The following VRK2 variants were observed in gnomAD, a reference collection of about 807,000 sequenced individuals.
The protein encoded by VRK2 is VRK serine/threonine kinase 2.
In VRK2, 60 loss-of-function variants were observed where a neutral mutation model predicts 57.6. That is an observed-to-expected ratio of 1.04 (90% CI 0.85 to 1.29). The LOEUF is 1.29. Ranked by LOEUF, VRK2 falls within the 50% of genes most tolerant of loss-of-function variation. The pLI is 0.00. For synonymous variants in VRK2, 231 were observed against 199.2 expected, an observed-to-expected ratio of 1.16 and a Z score of -1.35; for missense variants, 705 against 588.1, an observed-to-expected ratio of 1.20 and a Z score of -2.06.
intron 1 of VRK2, among the ~76,000 whole-genome samples, chr2:57,958,412 T>A (rs548259847): frequency 6.7e-6 from 1 of 149,130 alleles, no homozygotes; most frequent in African/African-American, 2.5e-5. Flanking sequence ...TGTGTGTATG[T>A]GTGTGTGTGT....
chr2:57,947,167 A>G (rs1005341445), intron 1 of VRK2, among the ~76,000 whole-genome samples: 8 of 152,268 alleles, frequency 5.3e-5, no homozygotes, highest in African/African-American at 1.9e-4. Context: ...AGTAAACAAA[A>G]ACAGATGGTG....
chr2:58,139,534 A>ATTG, intron 10 of VRK2, 132 bp from the exon 11 acceptor site: 1 of 737,636 alleles, frequency 1.4e-6, no homozygotes, highest in South Asian at 2.2e-5. Flanking sequence ...TTTTCATTGA[A>ATTG]TTGTTCATTT....
At chr2:58,142,085 G>A (rs2104621740) in intron 11 of VRK2, among the ~76,000 whole-genome samples, 1 of 151,902 alleles carries the variant, frequency 6.6e-6, no homozygotes. Context: ...TTTAAAAGAA[G>A]ACATTGGACC....
chr2:57,914,024 T>C, intron 1 of VRK2, among the ~76,000 whole-genome samples: 1 of 152,024 alleles, frequency 6.6e-6, no homozygotes, highest in East Asian at 1.9e-4. Context: ...CTTAATACAT[T>C]AAAGAGAAAA....
chr2:58,095,049 A>G (rs1672933818), intron 7 of VRK2, among the ~76,000 whole-genome samples: 1 of 152,154 alleles, frequency 6.6e-6, no homozygotes, highest in South Asian at 2.1e-4. Flanking sequence ...TAATCTCAGC[A>G]CTTTGGGAGG....
intron 12 of VRK2, among the ~76,000 whole-genome samples, chr2:58,153,364 T>C (rs752346087): frequency 6.6e-6 from 1 of 152,064 alleles, no homozygotes; most frequent in African/African-American, 2.4e-5. Flanking sequence ...ATAGATGTTC[T>C]GTATAAAGTT....
chr2:58,110,953 G>A lies in VRK2; in HGVS notation c.544-12148G>A, dbSNP rs775600255. ...GGAAGAGTGTGGCCTTGGTGCACAC[G>A]CTGTGGTAGGACCCAGTGGTCCTGC... On this transcript the variant is annotated intron_variant, in intron 7 of 12. Transcript: ENST00000340157. 6.9e-4 allele frequency among the ~76,000 whole-genome samples: 105 copies of A among 152,154 alleles called. 1 individual carries two copies. Among genetic ancestry groups the A allele is most frequent in the East Asian group, 9.7e-4 (5 of 5,166 alleles).
chr2:58,046,166 G>T (rs369782097), upstream of VRK2, among the ~76,000 whole-genome samples: 19 of 152,274 alleles, frequency 1.2e-4, no homozygotes, highest in East Asian at 3.7e-3. Flanking sequence ...TTATGTATTA[G>T]AAAACTGCTT....
At chr2:58,070,652 A>G (rs1669246156) in intron 2 of VRK2, among the ~76,000 whole-genome samples, 1 of 152,176 alleles carries the variant, frequency 6.6e-6, no homozygotes, top group South Asian at 2.1e-4. Context: ...GTGGCTTGAT[A>G]GCACATTTCT....
At chr2:57,937,254 G>T (rs1670943878) in intron 1 of VRK2, among the ~76,000 whole-genome samples, 1 of 151,966 alleles carries the variant, frequency 6.6e-6, no homozygotes, top group African/African-American at 2.4e-5. Context: ...CCCATTTTTT[G>T]AGTTCAGGGT....
At chr2:58,011,289 C>G (rs1268425506) in intron 1 of VRK2, among the ~76,000 whole-genome samples, 3 of 152,164 alleles carry the variant, frequency 2.0e-5, no homozygotes, top group Non-Finnish European at 2.9e-5. Context: ...TGGTCACAGG[C>G]CCTGCTCTAC....
rs181477534 is a variant in VRK2, at chr2:58,111,633, A to G, written c.544-11468A>G. Among the ~76,000 whole-genome samples, 34 of 152,288 alleles carry G rather than the reference A, an allele frequency of 2.2e-4. No homozygotes were observed. The East Asian group carries it at 4.2e-3, about 19-fold the overall frequency. On this transcript the variant is annotated intron_variant, in intron 7 of 12. Transcript: ENST00000340157. ...ATGCATAGGGAGTAACTATTTATATATTCCTGTGGCTAGTCTTACTACAAC... is the reference window on the plus strand; with the variant it reads ...ATGCATAGGGAGTAACTATTTATATGTTCCTGTGGCTAGTCTTACTACAAC...
At chr2:57,939,499 A>ATTGT (rs1356314520) in intron 1 of VRK2, among the ~76,000 whole-genome samples, 2 of 152,176 alleles carry the variant, frequency 1.3e-5, no homozygotes, top group African/African-American at 4.8e-5. Flanking sequence ...GTATATACAG[A>ATTGT]TTGTTCATTT....
At chr2:58,079,884 T>C (rs999631793) in intron 2 of VRK2, among the ~76,000 whole-genome samples, 2 of 151,956 alleles carry the variant, frequency 1.3e-5, no homozygotes, top group African/African-American at 2.4e-5. Flanking sequence ...CAGTTTCTTA[T>C]TAATTTCTAT....
intron 7 of VRK2, among the ~76,000 whole-genome samples, chr2:58,104,207 G>C (rs763139998): frequency 1.3e-5 from 2 of 151,778 alleles, no homozygotes; most frequent in African/African-American, 2.4e-5. Context: ...GGATAGCCTA[G>C]CTAGAGCATT....
At chr2:57,961,692 A>G (rs1671767424) in intron 1 of VRK2, among the ~76,000 whole-genome samples, 2 of 142,436 alleles carry the variant, frequency 1.4e-5, no homozygotes. Flanking sequence ...TGACTTATTA[A>G]CTGACCAGCA....
intron 2 of VRK2, chr2:58,058,606 G>T (rs1676880892): frequency 3.7e-6 from 1 of 271,144 alleles, no homozygotes; most frequent in Non-Finnish European, 7.5e-6. Flanking sequence ...GTCTGGTAAA[G>T]AGTAGTAGAT....
At chr2:58,091,658 A>T (rs1672394866) in intron 7 of VRK2, among the ~76,000 whole-genome samples, 1 of 151,936 alleles carries the variant, frequency 6.6e-6, no homozygotes, top group South Asian at 2.1e-4. Flanking sequence ...TGGGAAATAG[A>T]TAGATAACAA....
chr2:58,080,843 T>C (rs1236108286), intron 2 of VRK2, among the ~76,000 whole-genome samples: 3 of 151,964 alleles, frequency 2.0e-5, no homozygotes, highest in Admixed American at 6.6e-5. Context: ...AAATTTATTA[T>C]AATTACTGAC....
Sources: allele counts gnomAD v4.1 joint callset (sites outside exome capture counted in the v4.1 genomes callset), GRCh38; gene constraint gnomAD v4.1.1; transcripts MANE v1.5; gene names NCBI Gene and HGNC (gene_info 2026-07-23, HGNC 2026-07-21).